LAMC3: variants seen among roughly 807,000 people sequenced by gnomAD.
LAMC3 encodes the protein laminin subunit gamma 3.
LAMC3 carries 128 observed loss-of-function variants against 173.8 expected under a neutral mutation model. The observed-to-expected ratio is 0.74, with a 90% CI of 0.64 to 0.85. LAMC3 has a LOEUF of 0.85. Among genes scored for constraint, LAMC3 ranks in the 40% least tolerant of loss-of-function variants. LAMC3 has a pLI of 0.00. For synonymous variants in LAMC3, 897 were observed against 909.1 expected, an observed-to-expected ratio of 0.99 and a Z score of 0.24; for missense variants, 2,022 against 2,156.0, an observed-to-expected ratio of 0.94 and a Z score of 1.23.
rs187637682 is a variant in LAMC3, at chr9:131,044,326, A to G, written c.1383-1198A>G. Among the ~76,000 whole-genome samples the G allele has an allele frequency of 4.8e-3, 736 of 151,810 alleles. 2 individuals carry two copies. The highest frequency in any genetic ancestry group is 8.5e-3 in the Non-Finnish European group (574 of 67,868). On this transcript the variant is annotated intron_variant, in intron 7 of 27. Coordinates refer to ENST00000361069, the MANE Select transcript of LAMC3 (RefSeq NM_006059.4). ...GGAGTTCAAGACCAGCCTGGCCAAC[A>G]TAGTGAAACCCTGTCTCTACTAAAA... is the stretch of plus-strand genomic sequence containing the variant.
chr9:131,076,589 T>C (rs921197200), intron 21 of LAMC3, among the ~76,000 whole-genome samples: 1 of 152,050 alleles, frequency 6.6e-6, no homozygotes, highest in Non-Finnish European at 1.5e-5. Flanking sequence ...GAGTAAGGGA[T>C]GGAAGGGAAG....
rs183143068 is a variant in LAMC3, at chr9:131,009,646, T to C, written c.373+59T>C. 8.5e-5 allele frequency: 130 copies of C among 1,534,074 alleles called. No individual in the cohort carries two copies. Among genetic ancestry groups the C allele is most frequent in the Admixed American group, 1.8e-4 (9 of 50,868 alleles). ...CCGTGTCCCCACTCCACTGGGGGTC[T>C]GAGGCTGAGGCCTGAGCTGCTGTGC... On this transcript the variant is annotated intron_variant, in intron 1 of 27. Coordinates refer to ENST00000361069, the MANE Select transcript of LAMC3 (RefSeq NM_006059.4). The surrounding 1 kb of genome is among the most constrained non-coding windows in gnomAD (Gnocchi z 4.3).
At chr9:131,069,394 TCA>T (rs1438801530) in intron 16 of LAMC3, among the ~76,000 whole-genome samples, 3 of 152,284 alleles carry the variant, frequency 2.0e-5, no homozygotes, top group East Asian at 3.9e-4. Context: ...TCTCTGGGCC[TCA>T]GTTTCCTCAC....
In LAMC3 at chr9:131,073,305, C is replaced by T. The variant is rs764980628; in HGVS notation, c.3478C>T (p.Arg1160Cys). 25 of 1,613,420 alleles carry T rather than the reference C, an allele frequency of 1.5e-5. No individual in the cohort carries two copies. The East Asian group carries it at 1.6e-4, about 10-fold the overall frequency. The change falls in exon 20 of 28, where the codon CGT becomes TGT. Residue 1160 changes from arginine (R) to cysteine (C), a missense_variant. By Grantham distance (180) the Arg-to-Cys change is radical. Coordinates refer to ENST00000361069, the MANE Select transcript of LAMC3 (RefSeq NM_006059.4). ...TKWSHLATEA[R>C]ALARSHRDTA... is the part of the protein sequence containing the mutation. The stretch of plus-strand genomic sequence containing the variant: ...ATGGAGCCACCTGGCCACAGAGGCC[C>T]GTGCCCTCGCCAGGAGGTGAGTCCC...
In LAMC3 at chr9:131,071,557, G is replaced by T. The variant is rs1408645168; in HGVS notation, c.3143G>T (p.Gly1048Val). The part of the protein sequence containing the change: ...LQGSDCGSPW[G>V]PLDILLGEAP... ...GGGTCCGACTGTGGCAGTCCCTGGGGACCACTAGACATTCTGCTGGGAGAG... is the reference window on the plus strand; with the variant it reads ...GGGTCCGACTGTGGCAGTCCCTGGGTACCACTAGACATTCTGCTGGGAGAG... Residue 1048 changes from glycine (G) to valine (V), a missense_variant, in exon 18 of 28, where the codon GGA (glycine) becomes GTA (valine). Coordinates refer to ENST00000361069, the MANE Select transcript of LAMC3 (RefSeq NM_006059.4). The T allele has an allele frequency of 3.1e-6, 5 of 1,612,596 alleles. No homozygotes were observed. Among genetic ancestry groups the T allele is most frequent in the Non-Finnish European group, 4.2e-6 (5 of 1,179,196 alleles).
At position 131,026,568 on chromosome 9, in the gene LAMC3, C is replaced by T. The variant is rs1438294997; in HGVS notation, c.657C>T (p.Phe219=). The change falls in exon 2 of 28, where the codon TTC becomes TTT. Residue 219 remains phenylalanine (F), a synonymous_variant. Transcript: ENST00000361069. The surrounding 1 kb of genome is among the most constrained non-coding windows in gnomAD (Gnocchi z 4.8). The part of the protein sequence containing the change: ...TLEGRPSAYN[F]EESPGLQEWV... ...AGGGCCGGCCCAGCGCCTACAACTT[C>T]GAGGAGAGCCCTGGGCTGCAGGTCA... 5 of 1,601,660 alleles carry T rather than the reference C, an allele frequency of 3.1e-6. No individual in the cohort carries two copies. The highest frequency in any genetic ancestry group is 1.7e-5 in the Admixed American group (1 of 57,878).
At chr9:131,025,210 C>T (rs1247578140) in intron 1 of LAMC3, among the ~76,000 whole-genome samples, 2 of 152,144 alleles carry the variant, frequency 1.3e-5, no homozygotes, top group Non-Finnish European at 2.9e-5. Context: ...CCTGATGCAT[C>T]CTTATCTCCT....
intron 9 of LAMC3, 113 bp from the exon 10 acceptor site, chr9:131,052,378 C>T: frequency 1.0e-6 from 1 of 999,014 alleles, no homozygotes; most frequent in Non-Finnish European, 1.6e-6. Flanking sequence ...TGATTTTCTA[C>T]CCACTGCACT....
In LAMC3 at chr9:131,052,865, C is replaced by T. The variant is rs373083212; in HGVS notation, c.1839C>T (p.Ser613=). 24 of 1,613,264 alleles carry T rather than the reference C, an allele frequency of 1.5e-5. 1 individual carries two copies. Among genetic ancestry groups the T allele is most frequent in the African/African-American group, 9.3e-5 (7 of 74,882 alleles). The part of the protein sequence containing the change: ...VELRFHLQET[S]EDVAPPLPPF... ...CTCTCGCCAGCCTGCAGGAGACCTCCGAGGACGTGGCCCCTCCACTGCCCC... is the reference window on the plus strand; with the variant it reads ...CTCTCGCCAGCCTGCAGGAGACCTCTGAGGACGTGGCCCCTCCACTGCCCC... The change falls in exon 11 of 28, where the codon TCC becomes TCT. Residue 613 remains serine, a synonymous_variant. Transcript: ENST00000361069.
At chr9:131,065,055 A>AG (rs1305077950) in intron 13 of LAMC3, among the ~76,000 whole-genome samples, 3 of 141,892 alleles carry the variant, frequency 2.1e-5, no homozygotes, top group African/African-American at 7.6e-5. Flanking sequence ...AAAAAAAAAA[A>AG]AAAAGAAAAG....
intron 20 of LAMC3, among the ~76,000 whole-genome samples, chr9:131,074,961 C>T (rs1000428331): frequency 1.3e-5 from 2 of 151,756 alleles, no homozygotes; most frequent in African/African-American, 2.4e-5. Flanking sequence ...GATGCTTTCA[C>T]GTGTGATAAA....
chr9:131,080,054 C>T (rs906159158), intron 23 of LAMC3, among the ~76,000 whole-genome samples: 10 of 152,112 alleles, frequency 6.6e-5, no homozygotes, highest in Non-Finnish European at 1.5e-4. Flanking sequence ...TTCACTGCAA[C>T]CTCCATTTCC....
intron 1 of LAMC3, among the ~76,000 whole-genome samples, chr9:131,016,825 C>T (rs1020627409): frequency 6.6e-6 from 1 of 152,200 alleles, no homozygotes. Context: ...GCGTGTTTGT[C>T]CTCAGGACTT....
chr9:131,015,831 AT>A (rs1345640286), intron 1 of LAMC3, among the ~76,000 whole-genome samples: 1 of 151,810 alleles, frequency 6.6e-6, no homozygotes, highest in African/African-American at 2.4e-5. Context: ...AATTTTTTGT[AT>A]TTTTTTGTAG....
Position 131,038,856 on chromosome 9 carries a change from GC to G in LAMC3, c.977-5del, listed in dbSNP as rs775410773. 2.9e-5 allele frequency: 46 copies of G among 1,612,442 alleles called. No homozygotes were observed. Among genetic ancestry groups the G allele is most frequent in the Middle Eastern group, 1.6e-4 (1 of 6,078 alleles). On this transcript the variant is annotated splice_polypyrimidine_tract_variant and splice_region_variant and intron_variant, in intron 4 of 27. Coordinates refer to ENST00000361069, the MANE Select transcript of LAMC3 (RefSeq NM_006059.4). ...GACTCACACACCTTTCCCCACTCCT[GC>G]CCATAGCCTGCAACTGCAGTGGCCG... is the stretch of plus-strand genomic sequence containing the variant.
At chr9:131,086,678 A>C (rs1830338170) in intron 25 of LAMC3, among the ~76,000 whole-genome samples, 1 of 149,644 alleles carries the variant, frequency 6.7e-6, no homozygotes. Context: ...ACTTGAGGTC[A>C]GGAGTTCGAG....
intron 7 of LAMC3, among the ~76,000 whole-genome samples, chr9:131,045,273 G>A (rs925681743): frequency 4.0e-5 from 6 of 151,540 alleles, no homozygotes; most frequent in Non-Finnish European, 5.9e-5. Flanking sequence ...ATAAAGTCTG[G>A]AGTTTAGTTA....
rs1047875188 is a variant in LAMC3, at chr9:131,017,462, C to T, written c.373+7875C>T. Among the ~76,000 whole-genome samples, 7 of 151,984 alleles carry T rather than the reference C, an allele frequency of 4.6e-5. No homozygotes were observed. In the South Asian group the frequency reaches 1.0e-3, roughly 23 times the overall value. ...AATTAGAGGCCGGGTGCGGTCCTTA[C>T]GCCTGTAATCCCAGCACTTTGGGAG... On this transcript the variant is annotated intron_variant, in intron 1 of 27. Coordinates refer to ENST00000361069, the MANE Select transcript of LAMC3 (RefSeq NM_006059.4).
At position 131,086,575 on chromosome 9, in the gene LAMC3, C is replaced by CTTTTTTTTTTTTTTTTTTTTTTT. The variant is rs778812487; in HGVS notation, c.4230+864_4230+865insTTTTTTTTTTTTTTTTTTTTTTT. On this transcript the variant is annotated intron_variant, in intron 25 of 27. Coordinates refer to ENST00000361069, the MANE Select transcript of LAMC3 (RefSeq NM_006059.4). ...GGTGTGTGCCACTGTGCCTGGCTAA[C>CTTTTTTTTTTTTTTTTTTTTTTT]TTTTTTTTTTTTGCAGAGATGAGGA... Among the ~76,000 whole-genome samples, 4 of 92,478 alleles carry CTTTTTTTTTTTTTTTTTTTTTTT rather than the reference C, an allele frequency of 4.3e-5. 1 individual carries two copies. The highest frequency in any genetic ancestry group is 1.2e-4 in the Admixed American group (1 of 8,234). The allele number at this position is 92,478 out of a possible 152,430, so 60.7% of individuals were successfully genotyped here.
Sources: allele counts gnomAD v4.1 joint callset (sites outside exome capture counted in the v4.1 genomes callset), GRCh38; gene constraint gnomAD v4.1.1; non-coding constraint Gnocchi (gnomAD v3.1); transcripts MANE v1.5; gene names NCBI Gene and HGNC (gene_info 2026-07-23, HGNC 2026-07-21).